Variants in NR1I2 observed in about 807,000 individuals in gnomAD.
NR1I2 encodes orphan nuclear receptor PAR1.
Under a neutral mutation model 43.3 loss-of-function variants are expected in NR1I2, and 42 were observed. The observed-to-expected ratio is 0.97, with a 90% CI of 0.76 to 1.26. The LOEUF is 1.26. NR1I2 is among the 50% of genes most tolerant of loss of function. NR1I2 has a pLI of 0.00. For synonymous variants in NR1I2, 229 were observed against 215.0 expected, an observed-to-expected ratio of 1.06 and a Z score of -0.57; for missense variants, 559 against 566.7, an observed-to-expected ratio of 0.99 and a Z score of 0.14.
At chr3:119,798,704 C>T (rs537999603) in intron 1 of NR1I2, among the ~76,000 whole-genome samples, 4 of 152,056 alleles carry the variant, frequency 2.6e-5, no homozygotes, top group African/African-American at 9.6e-5. Context: ...CAGCCACTCT[C>T]TATTCCACTC....
intron 1 of NR1I2, among the ~76,000 whole-genome samples, chr3:119,791,096 G>A (rs1234714591): frequency 1.3e-5 from 2 of 152,322 alleles, no homozygotes; most frequent in East Asian, 3.9e-4. Flanking sequence ...GAATATGGCA[G>A]CCCCCTGGGC....
chr3:119,813,072 C>G (rs2055268033), intron 5 of NR1I2, 112 bp downstream of exon 5: 2 of 1,199,742 alleles, frequency 1.7e-6, no homozygotes, highest in Non-Finnish European at 2.4e-6. Flanking sequence ...TCAGAAGACC[C>G]TCCTTTTCCT....
At position 119,817,076 on chromosome 3, in the gene NR1I2, TC is replaced by T; in HGVS notation, c.1171del (p.Leu391Ter). 1 of 1,614,156 alleles carries T rather than the reference TC, an allele frequency of 6.2e-7. No individual in the cohort carries two copies. The highest frequency in any genetic ancestry group is 1.1e-5 in the South Asian group (1 of 91,086). ...CTCTGGCTGGCATGCAGGTTCTTGT[TC>T]CTGAAGATCATGGCTATGCTCACCG... On this transcript the variant is annotated frameshift_variant, in exon 9 of 9. Transcript: ENST00000393716. LOFTEE classifies it high-confidence loss of function.
intron 1 of NR1I2, chr3:119,802,959 G>A (rs920916571): frequency 2.2e-6 from 1 of 456,704 alleles, no homozygotes; most frequent in African/African-American, 2.0e-5. Flanking sequence ...CCAGTGTGAT[G>A]GCTTTAGAAG....
Position 119,817,689 on chromosome 3 carries a change from C to T in NR1I2, c.*477C>T. 9.0e-7 allele frequency: 1 copy of T among 1,111,236 alleles called. No homozygotes were observed. Among genetic ancestry groups the T allele is most frequent in the Non-Finnish European group, 1.1e-6 (1 of 902,274 alleles). The allele number at this position is 1,111,236 out of a possible 1,614,324, so 68.8% of individuals were successfully genotyped here. A position where few individuals can be genotyped will look rare whatever the true frequency, so the allele number is the denominator to read the frequency against. On this transcript the variant is annotated 3_prime_UTR_variant, in exon 9 of 9. Coordinates refer to ENST00000393716, the MANE Select transcript of NR1I2 (RefSeq NM_003889.4). ...CCCACTTCCCACTCGTTCCCCTCCT[C>T]TTCCGAGCTGCTTTGTGGGCTCCAG...
intron 1 of NR1I2, among the ~76,000 whole-genome samples, chr3:119,786,410 A>G (rs748564606): frequency 5.5e-4 from 83 of 152,214 alleles, no homozygotes; most frequent in Non-Finnish European, 8.7e-4. Flanking sequence ...TCTTTGAAAC[A>G]TCGATATAAC....
Position 119,810,085 on chromosome 3 carries a change from G to A in NR1I2, c.222G>A (p.Arg74=). ...GGAGGGCCATGAAACGCAACGCCCG[G>A]CTGAGGTGCCCCTTCCGGAAGGGCG... The change falls in exon 3 of 9, where the codon CGG becomes CGA. Residue 74 remains arginine (R), a synonymous_variant. Transcript: ENST00000393716. The A allele has an allele frequency of 6.2e-7, 1 of 1,613,914 alleles. No individual in the cohort carries two copies. Among genetic ancestry groups the A allele is most frequent in the Middle Eastern group, 1.6e-4 (1 of 6,062 alleles).
At chr3:119,815,153 G>C (rs201149485) in intron 6 of NR1I2, 32 bp downstream of exon 6, 1 of 1,614,000 alleles carries the variant, frequency 6.2e-7, no homozygotes, top group Admixed American at 1.7e-5. Flanking sequence ...CCCTGGCAGA[G>C]GGAGGGAAAC....
chr3:119,790,952 G>A (rs1367795293), intron 1 of NR1I2, among the ~76,000 whole-genome samples: 4 of 152,172 alleles, frequency 2.6e-5, no homozygotes, highest in African/African-American at 4.8e-5. Context: ...CCTGAGCACC[G>A]TACAGATACT....
chr3:119,783,516 A>G (rs1212434422), intron 1 of NR1I2, among the ~76,000 whole-genome samples: 4 of 152,194 alleles, frequency 2.6e-5, no homozygotes, highest in Non-Finnish European at 5.9e-5. Flanking sequence ...CTGGCCTTTA[A>G]CAGAAAAAGT....
intron 1 of NR1I2, among the ~76,000 whole-genome samples, chr3:119,785,317 C>A (rs1457488256): frequency 6.6e-6 from 1 of 152,176 alleles, no homozygotes; most frequent in Non-Finnish European, 1.5e-5. Flanking sequence ...TTGTTTTCCT[C>A]TAGAGGATTT....
At chr3:119,795,389 C>G (rs1029561905) in intron 1 of NR1I2, among the ~76,000 whole-genome samples, 1 of 152,196 alleles carries the variant, frequency 6.6e-6, no homozygotes, top group Non-Finnish European at 1.5e-5. Context: ...CTCTGCTCAG[C>G]CAGTCAGCCC....
At chr3:119,797,945 G>A (rs570214705) in intron 1 of NR1I2, among the ~76,000 whole-genome samples, 18 of 152,200 alleles carry the variant, frequency 1.2e-4, no homozygotes, top group South Asian at 4.2e-4. Flanking sequence ...CAACTGAAAA[G>A]TCAACCATTA....
At chr3:119,800,912 G>C (rs532059854) in intron 1 of NR1I2, among the ~76,000 whole-genome samples, 1 of 152,156 alleles carries the variant, frequency 6.6e-6, no homozygotes, top group African/African-American at 2.4e-5. Context: ...TTTAATAAAC[G>C]GTTTACCCAC....
chr3:119,814,488 G>A (rs1318655641), intron 5 of NR1I2, among the ~76,000 whole-genome samples: 2 of 152,178 alleles, frequency 1.3e-5, no homozygotes, highest in Admixed American at 6.5e-5. Context: ...CTGGAACTCA[G>A]GCCAAAAGGG....
At chr3:119,800,589 GT>G (rs2055064831) in intron 1 of NR1I2, among the ~76,000 whole-genome samples, 1 of 151,842 alleles carries the variant, frequency 6.6e-6, no homozygotes, top group Admixed American at 6.6e-5. Flanking sequence ...TTTTTTGGTC[GT>G]TTTTTTCCCC....
At chr3:119,813,113 G>T (rs1056269658) in intron 5 of NR1I2, among the ~76,000 whole-genome samples, 153 bp downstream of exon 5, 2 of 152,172 alleles carry the variant, frequency 1.3e-5, no homozygotes, top group African/African-American at 2.4e-5. Context: ...CAGTGCTGCT[G>T]GGGAGTAGAG....
intron 2 of NR1I2, among the ~76,000 whole-genome samples, chr3:119,808,134 C>T (rs1559788956): frequency 6.6e-6 from 1 of 152,212 alleles, no homozygotes; most frequent in Non-Finnish European, 1.5e-5. Context: ...TCACAGGACA[C>T]TTGTCGCCAA....
At position 119,818,160 on chromosome 3, in the gene NR1I2, G is replaced by GCCA; in HGVS notation, c.*950_*952dup. 1.0e-6 allele frequency: 1 copy of GCCA among 985,738 alleles called. No homozygotes were observed. The highest frequency in any genetic ancestry group is 4.7e-5 in the South Asian group (1 of 21,280). 61.1% of individuals were successfully genotyped at this position (985,738 alleles called of 1,614,324 possible). On this transcript the variant is annotated 3_prime_UTR_variant, in exon 9 of 9. Coordinates refer to ENST00000393716, the MANE Select transcript of NR1I2 (RefSeq NM_003889.4). The stretch of plus-strand genomic sequence containing the variant: ...TGATTTGGTGTAGGTAGGTCTGTTT[G>GCCA]CCACTTGATGGGGCCTGGGTTTGTT...
Sources: allele counts gnomAD v4.1 joint callset (sites outside exome capture counted in the v4.1 genomes callset), GRCh38; gene constraint gnomAD v4.1.1; transcripts MANE v1.5; gene names NCBI Gene and HGNC (gene_info 2026-07-23, HGNC 2026-07-21).